Variants in GRID2 observed in about 807,000 individuals in gnomAD.
GRID2 encodes the protein glutamate ionotropic receptor delta type subunit 2, also known as glutamate receptor ionotropic, delta-2.
In GRID2, 33 loss-of-function variants were observed where a neutral mutation model predicts 114.8. The ratio of observed to expected loss-of-function variants is 0.29; its 90% CI spans 0.22 to 0.38. GRID2 has a LOEUF of 0.38. GRID2 is among the 10% of genes least tolerant of loss of function. The probability of loss-of-function intolerance (pLI) is 1.00; values close to 1 mark genes in which losing one functional copy is unlikely to be tolerated. For synonymous variants in GRID2, 505 were observed against 449.9 expected (o/e 1.12, Z -1.55); for missense variants, 1,184 against 1,257.7 (o/e 0.94, Z 0.89).
At chr4:93,743,603 T>C (rs922974288) in intron 14 of GRID2, among the ~76,000 whole-genome samples, 13 of 152,108 alleles carry the variant, frequency 8.5e-5, no homozygotes, top group Non-Finnish European at 1.5e-4. Flanking sequence ...AGAAATTCCA[T>C]GGTGAGAGAG....
intron 4 of GRID2, among the ~76,000 whole-genome samples, chr4:93,168,285 G>C (rs1485524755): frequency 1.3e-5 from 2 of 151,438 alleles, no homozygotes; most frequent in Non-Finnish European, 1.5e-5. Flanking sequence ...GGAAAGGAAA[G>C]GGGAAGAAAG....
intron 14 of GRID2, among the ~76,000 whole-genome samples, chr4:93,723,797 A>AT (rs1471395396): frequency 1.2e-4 from 18 of 152,224 alleles, no homozygotes; most frequent in Non-Finnish European, 1.9e-4. Flanking sequence ...TGAGTAAGAC[A>AT]TAAACCCTGT....
intron 2 of GRID2, among the ~76,000 whole-genome samples, chr4:93,069,686 C>T (rs948164392): frequency 3.3e-5 from 5 of 152,028 alleles, no homozygotes; most frequent in Non-Finnish European, 5.9e-5. Flanking sequence ...AGAGAAATGT[C>T]GTTATGTTTT....
chr4:92,727,437 C>T (rs557254921), intron 2 of GRID2, among the ~76,000 whole-genome samples: 1 of 152,158 alleles, frequency 6.6e-6, no homozygotes, highest in Admixed American at 6.5e-5. Flanking sequence ...CAAATTTTGA[C>T]CCTCAAATCA....
chr4:93,692,944 T>A lies in GRID2; in HGVS notation c.2360+66509T>A, dbSNP rs1388030847. Among the ~76,000 whole-genome samples, 3 of 152,320 alleles carry A rather than the reference T, an allele frequency of 2.0e-5. No homozygotes were observed. In the East Asian group the frequency reaches 5.8e-4, roughly 29 times the overall value. On this transcript the variant is annotated intron_variant, in intron 14 of 15. Coordinates refer to ENST00000282020, the MANE Select transcript of GRID2 (RefSeq NM_001510.4). ...ATTAATTTTTATGATTGCCTACAAG[T>A]ATCATTATTTAGTGCAATATAAATA... is the stretch of plus-strand genomic sequence containing the variant.
chr4:93,034,152 G>A (rs1404150973), intron 2 of GRID2, among the ~76,000 whole-genome samples: 2 of 152,124 alleles, frequency 1.3e-5, no homozygotes, highest in African/African-American at 2.4e-5. Context: ...ACAACATAGG[G>A]AAAGAAGAAT....
intron 9 of GRID2, among the ~76,000 whole-genome samples, chr4:93,411,148 G>A (rs1767089871): frequency 6.6e-6 from 1 of 151,994 alleles, no homozygotes; most frequent in African/African-American, 2.4e-5. Flanking sequence ...TCCATCAAAA[G>A]TTACTTGCTA....
intron 3 of GRID2, among the ~76,000 whole-genome samples, chr4:93,098,067 T>TA (rs1195830944): frequency 1.3e-5 from 2 of 152,032 alleles, no homozygotes; most frequent in Non-Finnish European, 2.9e-5. Context: ...TATGAGAAGA[T>TA]AAGACCTGAC....
At chr4:92,614,264 A>T (rs1729894955) in intron 2 of GRID2, among the ~76,000 whole-genome samples, 2 of 151,596 alleles carry the variant, frequency 1.3e-5, no homozygotes, top group African/African-American at 4.8e-5. Context: ...TTTAGCTTCC[A>T]AATATGAATG....
intron 2 of GRID2, among the ~76,000 whole-genome samples, chr4:92,919,421 C>G (rs187770382): frequency 5.8e-4 from 88 of 152,254 alleles, no homozygotes; most frequent in African/African-American, 2.1e-3. Context: ...CCTTGCTTCT[C>G]TAGTTCTTTT....
At chr4:93,462,204 T>G (rs540372729) in intron 11 of GRID2, among the ~76,000 whole-genome samples, 1 of 152,292 alleles carries the variant, frequency 6.6e-6, no homozygotes, top group African/African-American at 2.4e-5. Flanking sequence ...GTATACTATG[T>G]GCCATGCCTG....
intron 8 of GRID2, among the ~76,000 whole-genome samples, chr4:93,334,137 T>A (rs1271508110): frequency 2.6e-5 from 4 of 152,222 alleles, no homozygotes; most frequent in Non-Finnish European, 5.9e-5. Flanking sequence ...CTCTTCTAGG[T>A]CACTTTGATT....
intron 2 of GRID2, among the ~76,000 whole-genome samples, chr4:92,733,844 G>A (rs1316277746): frequency 6.6e-6 from 1 of 152,052 alleles, no homozygotes; most frequent in South Asian, 2.1e-4. Context: ...AAATCTGAAC[G>A]TTGATGGAGG....
At chr4:93,067,315 C>T (rs1728382862) in intron 2 of GRID2, among the ~76,000 whole-genome samples, 1 of 151,904 alleles carries the variant, frequency 6.6e-6, no homozygotes, top group South Asian at 2.1e-4. Context: ...TAATAAAATA[C>T]CTTTGATTGT....
intron 14 of GRID2, among the ~76,000 whole-genome samples, chr4:93,752,693 C>T (rs1732430758): frequency 6.6e-6 from 1 of 152,134 alleles, no homozygotes; most frequent in Non-Finnish European, 1.5e-5. Context: ...TTAACTATTA[C>T]ATTCTCCTTT....
chr4:93,163,982 T>C (rs62308256), intron 4 of GRID2, among the ~76,000 whole-genome samples: 11,851 of 152,004 alleles, frequency 0.078, 530 homozygotes, highest in East Asian at 0.22. Flanking sequence ...GCCCCACTCC[T>C]ATCCCTCTTC....
At chr4:93,519,076 G>A (rs1482498278) in intron 13 of GRID2, among the ~76,000 whole-genome samples, 6 of 151,988 alleles carry the variant, frequency 3.9e-5, no homozygotes, top group Admixed American at 2.6e-4. Flanking sequence ...CTTTCTAAAC[G>A]TGAATCTCAT....
downstream of GRID2, among the ~76,000 whole-genome samples, chr4:93,776,941 G>T (rs1480477132): frequency 6.6e-6 from 1 of 152,106 alleles, no homozygotes. Context: ...GATAATTCAA[G>T]CTCTGCAATG....
chr4:93,680,545 C>A lies in GRID2; in HGVS notation c.2360+54110C>A, dbSNP rs1159894377. On this transcript the variant is annotated intron_variant, in intron 14 of 15. Transcript: ENST00000282020. ...AAATCCTCAATAAAATACTGGCAAA[C>A]CGAATCCAGCAGCACATCAAAAAGC... is the stretch of plus-strand genomic sequence containing the variant. Among the ~76,000 whole-genome samples, 4 of 151,534 alleles carry A rather than the reference C, an allele frequency of 2.6e-5. No individual in the cohort carries two copies. The East Asian group carries it at 7.7e-4, about 29-fold the overall frequency.
Sources: allele counts gnomAD v4.1 joint callset (sites outside exome capture counted in the v4.1 genomes callset), GRCh38; gene constraint gnomAD v4.1.1; transcripts MANE v1.5; gene names NCBI Gene and HGNC (gene_info 2026-07-23, HGNC 2026-07-21).